ITPR2: variants seen among roughly 807,000 people sequenced by gnomAD.
ITPR2 encodes inositol 1,4,5-trisphosphate-gated calcium channel ITPR2.
A neutral mutation model predicts 317.1 loss-of-function variants in ITPR2; 207 were observed. That is an observed-to-expected ratio of 0.65 (90% CI 0.58 to 0.73). The LOEUF (loss-of-function observed/expected upper bound fraction) is 0.73. Ranked by LOEUF, ITPR2 falls within the 30% of genes least tolerant of loss-of-function variation. The pLI, the probability that ITPR2 is intolerant of heterozygous loss-of-function variation, is 0.00. For missense variants in ITPR2, 2,613 were observed against 3,284.0 expected, an observed-to-expected ratio of 0.80 and a Z score of 4.99; for synonymous variants, 1,156 against 1,149.1, an observed-to-expected ratio of 1.01 and a Z score of -0.12.
intron 1 of ITPR2, among the ~76,000 whole-genome samples, chr12:26,825,937 T>A (rs1350525916): frequency 1.3e-5 from 2 of 152,240 alleles, no homozygotes; most frequent in African/African-American, 4.8e-5. Context: ...TTTATCACAT[T>A]ATCATATGCC....
intron 2 of ITPR2, among the ~76,000 whole-genome samples, chr12:26,778,951 C>T (rs976532927): frequency 6.6e-6 from 1 of 152,066 alleles, no homozygotes; most frequent in African/African-American, 2.4e-5. Flanking sequence ...ATCTAGTGGG[C>T]CTATTTGGAT....
Position 26,495,221 on chromosome 12 carries a change from T to A in ITPR2, c.5113A>T (p.Lys1705Ter). The A allele has an allele frequency of 6.2e-7, 1 of 1,607,764 alleles. No individual in the cohort carries two copies. Residue 1705 changes from lysine to a stop codon, truncating the protein, a stop_gained, in exon 38 of 57, where the codon AAA becomes TAA. Coordinates refer to ENST00000381340, the MANE Select transcript of ITPR2 (RefSeq NM_002223.4). LOFTEE classifies it high-confidence loss of function. The stretch of plus-strand genomic sequence containing the variant: ...TTCACACCAATACTATAATCACCTT[T>A]AAAGTATCGATTCAGAAGTATCTTT... ...LRKILLNRYF[K>*]GDYSIGVNGH...
intron 45 of ITPR2, among the ~76,000 whole-genome samples, chr12:26,458,037 A>G (rs184368220): frequency 4.6e-5 from 7 of 152,352 alleles, no homozygotes; most frequent in Middle Eastern, 3.4e-3. Context: ...CTGCTTTATC[A>G]GAAGCTATGG....
Position 26,653,958 on chromosome 12 carries a change from A to G in ITPR2, c.2740+18T>C. The G allele has an allele frequency of 6.3e-7, 1 of 1,596,346 alleles. No homozygotes were observed. The highest frequency in any genetic ancestry group is 8.6e-7 in the Non-Finnish European group (1 of 1,167,088). On this transcript the variant is annotated intron_variant, in intron 21 of 56. Transcript: ENST00000381340. ...CAAGTAATAACAATGATATTATCACATTTCCCAAAATTCTTACCTCCATCT... is the reference window on the plus strand; with the variant it reads ...CAAGTAATAACAATGATATTATCACGTTTCCCAAAATTCTTACCTCCATCT...
At chr12:26,612,735 G>C (rs189009669) in intron 26 of ITPR2, among the ~76,000 whole-genome samples, 39 of 152,246 alleles carry the variant, frequency 2.6e-4, no homozygotes, top group Admixed American at 1.6e-3. Context: ...CCAGCCTCTT[G>C]CTCTTCTGAA....
At chr12:26,381,685 G>A (rs1939514801) in intron 55 of ITPR2, among the ~76,000 whole-genome samples, 1 of 152,150 alleles carries the variant, frequency 6.6e-6, no homozygotes, top group African/African-American at 2.4e-5. Context: ...TGTTAATCAA[G>A]AGAAAAATAA....
At chr12:26,703,304 G>C (rs527409052) in intron 9 of ITPR2, among the ~76,000 whole-genome samples, 1 of 152,212 alleles carries the variant, frequency 6.6e-6, no homozygotes, top group Non-Finnish European at 1.5e-5. Flanking sequence ...ATGTCCCAGA[G>C]ATTGAGTTAA....
At chr12:26,517,272 G>A (rs1367801393) in intron 37 of ITPR2, among the ~76,000 whole-genome samples, 5 of 152,026 alleles carry the variant, frequency 3.3e-5, no homozygotes, top group Admixed American at 2.6e-4. Flanking sequence ...CTACAGAATG[G>A]GAGAAAATAT....
In ITPR2 at chr12:26,481,227, T is replaced by G; in HGVS notation, c.6027A>C (p.Thr2009=). The change falls in exon 43 of 57, where the codon ACA becomes ACC. Residue 2009 remains threonine, a synonymous_variant. Coordinates refer to ENST00000381340, the MANE Select transcript of ITPR2 (RefSeq NM_002223.4). ...TGATATCAATCCCATTAGACTCATG[T>G]GTAGCGATACAGGTCTAGAAAACAA... is the stretch of plus-strand genomic sequence containing the variant. ...PCHENQTCIA[T]HESNGIDIII... 6.2e-7 allele frequency: 1 copy of G among 1,606,188 alleles called. No individual in the cohort carries two copies. Among genetic ancestry groups the G allele is most frequent in the Non-Finnish European group, 8.5e-7 (1 of 1,173,028 alleles).
intron 2 of ITPR2, among the ~76,000 whole-genome samples, chr12:26,769,184 GC>G (rs1469701335): frequency 6.6e-6 from 1 of 152,196 alleles, no homozygotes; most frequent in Non-Finnish European, 1.5e-5. Flanking sequence ...AGTCAATGGT[GC>G]CTTGCCAACT....
At chr12:26,623,635 T>C (rs1946553922) in intron 24 of ITPR2, among the ~76,000 whole-genome samples, 1 of 152,172 alleles carries the variant, frequency 6.6e-6, no homozygotes, top group Non-Finnish European at 1.5e-5. Flanking sequence ...CCGTAGCAGA[T>C]AAGGAAAGAC....
chr12:26,476,334 G>A (rs1942416448), intron 44 of ITPR2, among the ~76,000 whole-genome samples: 1 of 152,148 alleles, frequency 6.6e-6, no homozygotes, highest in South Asian at 2.1e-4. Flanking sequence ...GGAACCCAAT[G>A]CTTTTAAAAT....
intron 1 of ITPR2, among the ~76,000 whole-genome samples, chr12:26,809,839 C>T (rs1950703882): frequency 1.3e-5 from 2 of 152,172 alleles, no homozygotes; most frequent in African/African-American, 4.8e-5. Flanking sequence ...ATAATAGACT[C>T]CCTCTTTCCC....
rs576542734 is a variant in ITPR2 at position 26,476,392 on chromosome 12, G to A, written c.6219+520C>T. Among the ~76,000 whole-genome samples, 9 of 152,234 alleles carry A rather than the reference G, an allele frequency of 5.9e-5. No individual in the cohort carries two copies. In the East Asian group the frequency reaches 1.7e-3, roughly 29 times the overall value. ...TGCATGCCACGAGTGAGAAAGAAAA[G>A]ATAACTTCTACAATAGGAAGACACA... On this transcript the variant is annotated intron_variant, in intron 44 of 56. Transcript: ENST00000381340.
intron 21 of ITPR2, among the ~76,000 whole-genome samples, chr12:26,653,431 G>A (rs1333544176): frequency 2.6e-5 from 4 of 151,834 alleles, no homozygotes; most frequent in African/African-American, 7.3e-5. Flanking sequence ...TAGCAGAGAC[G>A]GGTTTTCACC....
intron 55 of ITPR2, among the ~76,000 whole-genome samples, chr12:26,362,154 T>C (rs1938851744): frequency 6.6e-6 from 1 of 152,150 alleles, no homozygotes; most frequent in Non-Finnish European, 1.5e-5. Flanking sequence ...GGGGTCAAAG[T>C]GCTAAAGCTC....
intron 54 of ITPR2, among the ~76,000 whole-genome samples, chr12:26,389,502 T>C (rs1490979926): frequency 7.0e-6 from 1 of 141,866 alleles, no homozygotes; most frequent in African/African-American, 2.6e-5. Flanking sequence ...TTTTTTTTTT[T>C]GGAACACAGG....
At chr12:26,433,502 G>A (rs2937992) in intron 48 of ITPR2, among the ~76,000 whole-genome samples, 10 of 151,748 alleles carry the variant, frequency 6.6e-5, no homozygotes, top group African/African-American at 2.4e-4. Flanking sequence ...TAGTGTAATT[G>A]TTTTTTTCCA....
intron 2 of ITPR2, among the ~76,000 whole-genome samples, chr12:26,740,596 T>G: frequency 6.6e-6 from 1 of 152,216 alleles, no homozygotes. Context: ...TTTTATAGAC[T>G]TCAATAAAAA....
Sources: gnomAD v4.1 joint callset for allele counts (sites outside exome capture counted in the v4.1 genomes callset) on GRCh38, gnomAD v4.1.1 for gene constraint, MANE v1.5 for transcripts, NCBI Gene and HGNC (gene_info 2026-07-23, HGNC 2026-07-21) for gene names.